The following RIMKLB variants were observed in gnomAD, a reference collection of about 807,000 sequenced individuals.
RIMKLB encodes the protein beta-citrylglutamate synthase B.
RIMKLB carries 7 observed loss-of-function variants against 32.0 expected under a neutral mutation model. The observed-to-expected ratio is 0.22, with a 90% CI of 0.12 to 0.41. The LOEUF (loss-of-function observed/expected upper bound fraction) is 0.41. Among genes scored for constraint, RIMKLB ranks in the 10% least tolerant of loss-of-function variants. The pLI, the probability that RIMKLB is intolerant of heterozygous loss-of-function variation, is 1.00. For missense variants in RIMKLB, 289 were observed against 498.7 expected (o/e 0.58, Z 4.00); for synonymous variants, 172 against 185.1 (o/e 0.93, Z 0.57).
chr12:8,687,424 CCTT>C (rs1942608540), intron 1 of RIMKLB, among the ~76,000 whole-genome samples: 1 of 152,150 alleles, frequency 6.6e-6, no homozygotes, highest in African/African-American at 2.4e-5. Flanking sequence ...TCTCCATCCT[CCTT>C]CTGTGGTCAC....
intron 5 of RIMKLB, among the ~76,000 whole-genome samples, chr12:8,760,104 C>T (rs1348027853): frequency 1.3e-5 from 2 of 152,086 alleles, no homozygotes; most frequent in Non-Finnish European, 2.9e-5. Flanking sequence ...CTTCCCCTAC[C>T]CCACAACAGG....
At chr12:8,685,477 C>A (rs542460269) in intron 1 of RIMKLB, among the ~76,000 whole-genome samples, 2 of 152,124 alleles carry the variant, frequency 1.3e-5, no homozygotes, top group Non-Finnish European at 2.9e-5. Flanking sequence ...TCTGTTGATG[C>A]GATGGATTGC....
upstream of RIMKLB, chr12:8,679,366 T>G (rs1417778193): frequency 6.6e-6 from 1 of 152,228 alleles, no homozygotes; most frequent in Non-Finnish European, 1.5e-5. Flanking sequence ...AATTTTTGTA[T>G]TTTTAGTAGA....
chr12:8,683,366 A>G (rs918057362), intron 1 of RIMKLB, among the ~76,000 whole-genome samples: 1 of 152,200 alleles, frequency 6.6e-6, no homozygotes, highest in Non-Finnish European at 1.5e-5. Flanking sequence ...GTCCCATTTT[A>G]TGTTCTACCA....
chr12:8,676,928 C>T (rs1273905570), upstream of RIMKLB, among the ~76,000 whole-genome samples: 1 of 152,006 alleles, frequency 6.6e-6, no homozygotes. Context: ...TAGGGGCCAC[C>T]TTCCAAAATT....
At chr12:8,749,490 G>C (rs1278443643) in intron 2 of RIMKLB, among the ~76,000 whole-genome samples, 1 of 152,212 alleles carries the variant, frequency 6.6e-6, no homozygotes, top group Non-Finnish European at 1.5e-5. Flanking sequence ...ATTACGGCAT[G>C]AGCCACTGCA....
the RIMKLB span, among the ~76,000 whole-genome samples, chr12:8,675,007 G>GCA: frequency 2.0e-5 from 3 of 150,862 alleles, no homozygotes; most frequent in Non-Finnish European, 4.4e-5. Flanking sequence ...GGGATTACAG[G>GCA]TGCCTGCCAC....
chr12:8,699,718 G>C (rs149350526), intron 1 of RIMKLB: 1 of 152,282 alleles, frequency 6.6e-6, no homozygotes, highest in Non-Finnish European at 1.5e-5. Context: ...TGGCAACATG[G>C]CTGTTGATGT....
chr12:8,701,124 G>A (rs1943356980), intron 1 of RIMKLB, among the ~76,000 whole-genome samples: 2 of 152,098 alleles, frequency 1.3e-5, no homozygotes, highest in Non-Finnish European at 1.5e-5. Flanking sequence ...AGGAGACTGC[G>A]ATAGTGAAAA....
chr12:8,721,798 C>T, intron 2 of RIMKLB, among the ~76,000 whole-genome samples: 1 of 152,062 alleles, frequency 6.6e-6, no homozygotes, highest in Non-Finnish European at 1.5e-5. Context: ...GGCTGGAGTG[C>T]AGTGGCACGA....
At chr12:8,756,329 A>G (rs1188535967) in intron 5 of RIMKLB, among the ~76,000 whole-genome samples, 5 of 151,942 alleles carry the variant, frequency 3.3e-5, no homozygotes, top group South Asian at 2.1e-4. Context: ...AATTCCTCCA[A>G]TAGCTCCCCA....
chr12:8,725,458 A>G (rs1373613469), intron 2 of RIMKLB, among the ~76,000 whole-genome samples: 1 of 152,048 alleles, frequency 6.6e-6, no homozygotes, highest in African/African-American at 2.4e-5. Flanking sequence ...TTGTGTTTGT[A>G]GTAGAGATGA....
At chr12:8,770,611 T>TA (rs1320826996) in intron 5 of RIMKLB, among the ~76,000 whole-genome samples, 1 of 152,222 alleles carries the variant, frequency 6.6e-6, no homozygotes, top group African/African-American at 2.4e-5. Context: ...ATCAGAGTCA[T>TA]AGATACCCTC....
intron 5 of RIMKLB, among the ~76,000 whole-genome samples, chr12:8,759,847 AC>A (rs1949367867): frequency 6.6e-6 from 1 of 152,214 alleles, no homozygotes; most frequent in African/African-American, 2.4e-5. Flanking sequence ...TATTTAGGAT[AC>A]TATATTTAAG....
chr12:8,769,970 A>T (rs954642932), intron 5 of RIMKLB, among the ~76,000 whole-genome samples: 3 of 141,440 alleles, frequency 2.1e-5, no homozygotes, highest in Non-Finnish European at 4.6e-5. Context: ...TGTAGCAATA[A>T]TTTTTTTTTT....
intron 2 of RIMKLB, among the ~76,000 whole-genome samples, chr12:8,737,400 G>A (rs1353415477): frequency 1.3e-5 from 2 of 152,030 alleles, no homozygotes; most frequent in Non-Finnish European, 2.9e-5. Flanking sequence ...TCACATAAGT[G>A]AAATGCTGTA....
intron 1 of RIMKLB, among the ~76,000 whole-genome samples, chr12:8,686,347 T>G (rs1942571780): frequency 6.6e-6 from 1 of 151,294 alleles, no homozygotes; most frequent in Admixed American, 6.6e-5. Flanking sequence ...CAGGGTGGAG[T>G]GCAGTAGCCC....
chr12:8,751,863 TC>T (rs1451645282), intron 3 of RIMKLB, 93 bp from the exon 4 acceptor site: 1 of 795,588 alleles, frequency 1.3e-6, no homozygotes, highest in Non-Finnish European at 2.1e-6. Context: ...ACCTTCAACT[TC>T]CTTGTGCTGT....
chr12:8,753,542 T>C (rs1356192921), intron 4 of RIMKLB, among the ~76,000 whole-genome samples: 1 of 152,242 alleles, frequency 6.6e-6, no homozygotes. Flanking sequence ...TATAATAATA[T>C]ATCACACATG....
Sources: allele counts gnomAD v4.1 joint callset (sites outside exome capture counted in the v4.1 genomes callset), GRCh38; gene constraint gnomAD v4.1.1; transcripts MANE v1.5; gene names NCBI Gene and HGNC (gene_info 2026-07-23, HGNC 2026-07-21).